Variants in ADAMTS12 observed in about 807,000 individuals in gnomAD.
The protein encoded by ADAMTS12 is ADAM metallopeptidase with thrombospondin type 1 motif 12, also known as A disintegrin and metalloproteinase with thrombospondin motifs 12.
Under a neutral mutation model 167.8 loss-of-function variants are expected in ADAMTS12, and 118 were observed. The observed-to-expected ratio is 0.70, with a 90% confidence interval of 0.61 to 0.82. ADAMTS12 has a LOEUF of 0.82. Ranked by LOEUF, ADAMTS12 falls within the 40% of genes least tolerant of loss-of-function variation. The pLI is 0.00. For synonymous variants in ADAMTS12, 704 were observed against 716.9 expected (o/e 0.98, Z 0.29); for missense variants, 1,916 against 1,998.8 (o/e 0.96, Z 0.79).
chr5:33,659,097 G>A (rs1741163261), intron 6 of ADAMTS12, among the ~76,000 whole-genome samples: 1 of 152,162 alleles, frequency 6.6e-6, no homozygotes, highest in East Asian at 1.9e-4. Flanking sequence ...CTAGTTAATT[G>A]AACACCAGCA....
At chr5:33,646,735 GTTA>G (rs1561192729) in intron 9 of ADAMTS12, among the ~76,000 whole-genome samples, 1 of 151,540 alleles carries the variant, frequency 6.6e-6, no homozygotes, top group Admixed American at 6.6e-5. Flanking sequence ...CACGTAATAT[GTTA>G]AAAAAACCCC....
chr5:33,544,264 G>T (rs535371671), intron 22 of ADAMTS12, among the ~76,000 whole-genome samples: 3 of 152,036 alleles, frequency 2.0e-5, no homozygotes, highest in Non-Finnish European at 2.9e-5. Context: ...ATTCACAATC[G>T]CTACAAAGAG....
intron 2 of ADAMTS12, among the ~76,000 whole-genome samples, chr5:33,858,105 A>G (rs1749474877): frequency 6.6e-6 from 1 of 152,374 alleles, no homozygotes; most frequent in Admixed American, 6.5e-5. Context: ...AAGAAACTTA[A>G]AAGAATTGAA....
At chr5:33,630,586 G>A (rs1739871128) in intron 13 of ADAMTS12, among the ~76,000 whole-genome samples, 194 bp downstream of exon 13, 1 of 152,102 alleles carries the variant, frequency 6.6e-6, no homozygotes, top group Non-Finnish European at 1.5e-5. Context: ...GACGGCAGAA[G>A]GAAAAAACTA....
At chr5:33,858,683 GA>G (rs1749498866) in intron 2 of ADAMTS12, among the ~76,000 whole-genome samples, 1 of 149,802 alleles carries the variant, frequency 6.7e-6, no homozygotes. Flanking sequence ...AAAGAAAAAA[GA>G]AATTGCCAAC....
intron 2 of ADAMTS12, among the ~76,000 whole-genome samples, chr5:33,870,764 G>C (rs906652092): frequency 2.0e-5 from 3 of 152,138 alleles, no homozygotes; most frequent in African/African-American, 4.8e-5. Context: ...TTGTGATAGT[G>C]AGTGAGTTCT....
chr5:33,880,908 C>T (rs1007632859), intron 2 of ADAMTS12: 12 of 615,858 alleles, frequency 1.9e-5, no homozygotes, highest in African/African-American at 1.6e-4. Flanking sequence ...CTCCTCTGAA[C>T]CCTCAGTGCC....
intron 5 of ADAMTS12, among the ~76,000 whole-genome samples, chr5:33,672,770 T>A (rs745977916): frequency 2.5e-4 from 38 of 152,206 alleles, no homozygotes; most frequent in Non-Finnish European, 4.9e-4. Flanking sequence ...AGAGTCATCT[T>A]CCAGATGTTG....
At chr5:33,654,108 T>C (rs1740958812) in intron 7 of ADAMTS12, among the ~76,000 whole-genome samples, 1 of 152,194 alleles carries the variant, frequency 6.6e-6, no homozygotes, top group East Asian at 1.9e-4. Context: ...TAGTGTTCAC[T>C]GAGCTTTTTA....
intron 12 of ADAMTS12, among the ~76,000 whole-genome samples, chr5:33,633,191 T>A (rs1232917775): frequency 2.6e-5 from 1 of 39,106 alleles, no homozygotes; most frequent in Non-Finnish European, 8.8e-5. Context: ...TATATTCCTT[T>A]TAAAAATAAT....
chr5:33,740,323 A>G (rs1049941894), intron 3 of ADAMTS12, among the ~76,000 whole-genome samples: 3 of 152,172 alleles, frequency 2.0e-5, no homozygotes. Context: ...ATTCACCTCA[A>G]TTTTTTGCAA....
intron 2 of ADAMTS12, among the ~76,000 whole-genome samples, chr5:33,844,412 C>T (rs935787217): frequency 4.6e-5 from 7 of 152,158 alleles, no homozygotes; most frequent in Non-Finnish European, 8.8e-5. Flanking sequence ...AGAGAATGCG[C>T]CCCTGAGGGT....
chr5:33,727,742 C>A (rs1316190585), intron 3 of ADAMTS12, among the ~76,000 whole-genome samples: 2 of 152,204 alleles, frequency 1.3e-5, no homozygotes, highest in Non-Finnish European at 2.9e-5. Flanking sequence ...GTTGATTTGT[C>A]CATTTTCAGC....
chr5:33,712,981 A>C (rs1444917905), intron 3 of ADAMTS12, among the ~76,000 whole-genome samples: 1 of 152,096 alleles, frequency 6.6e-6, no homozygotes, highest in Non-Finnish European at 1.5e-5. Context: ...TTTTAAAATA[A>C]ATTTAGGACT....
At chr5:33,836,265 G>A (rs10941106) in intron 2 of ADAMTS12, among the ~76,000 whole-genome samples, 2,310 of 152,126 alleles carry the variant, frequency 0.015, 55 homozygotes, top group African/African-American at 0.053. Flanking sequence ...GGAGGGGGCC[G>A]GGCCAATTTG....
chr5:33,600,796 A>T (rs1201748616), intron 16 of ADAMTS12, among the ~76,000 whole-genome samples: 1 of 152,234 alleles, frequency 6.6e-6, no homozygotes, highest in Non-Finnish European at 1.5e-5. Flanking sequence ...ATAATAGAAA[A>T]TGATAACAAT....
At chr5:33,553,128 T>C (rs1004725012) in intron 20 of ADAMTS12, among the ~76,000 whole-genome samples, 1 of 152,156 alleles carries the variant, frequency 6.6e-6, no homozygotes, top group African/African-American at 2.4e-5. Flanking sequence ...TCAATATCAC[T>C]GATCATTAGA....
intron 2 of ADAMTS12, among the ~76,000 whole-genome samples, chr5:33,834,743 C>T (rs1748441267): frequency 6.6e-6 from 1 of 152,200 alleles, no homozygotes; most frequent in Non-Finnish European, 1.5e-5. Flanking sequence ...CCCTAGTTTC[C>T]TGGAGGATTA....
intron 2 of ADAMTS12, among the ~76,000 whole-genome samples, chr5:33,800,920 T>C (rs566701696): frequency 6.6e-6 from 1 of 152,318 alleles, no homozygotes; most frequent in East Asian, 1.9e-4. Flanking sequence ...CAGGTATAAT[T>C]AAGCATCTTG....
Sources: allele counts gnomAD v4.1 joint callset (sites outside exome capture counted in the v4.1 genomes callset), GRCh38; gene constraint gnomAD v4.1.1; transcripts MANE v1.5; gene names NCBI Gene and HGNC (gene_info 2026-07-23, HGNC 2026-07-21).